The following SLC39A10 variants were observed in gnomAD, a reference collection of about 807,000 sequenced individuals.
The protein encoded by SLC39A10 is solute carrier family 39 member 10, also known as zinc transporter ZIP10.
In SLC39A10, 13 loss-of-function variants were observed where a neutral mutation model predicts 65.1. The ratio of observed to expected loss-of-function variants is 0.20; its 90% CI spans 0.13 to 0.32. The LOEUF (loss-of-function observed/expected upper bound fraction) is 0.32. SLC39A10 is among the 10% of genes least tolerant of loss of function. SLC39A10 has a pLI of 1.00. For synonymous variants in SLC39A10, 321 were observed against 342.2 expected, an observed-to-expected ratio of 0.94 and a Z score of 0.68; for missense variants, 831 against 1,018.4, an observed-to-expected ratio of 0.82 and a Z score of 2.50.
rs1157596623 is a variant in SLC39A10 at position 195,731,816 on chromosome 2, G to A, written c.2338-3067G>A. 5.3e-5 allele frequency among the ~76,000 whole-genome samples: 8 copies of A among 152,278 alleles called. No homozygotes were observed. The East Asian group carries it at 1.4e-3, about 26-fold the overall frequency. On this transcript the variant is annotated intron_variant, in intron 9 of 9. Coordinates refer to ENST00000359634, the MANE Select transcript of SLC39A10 (RefSeq NM_020342.3). Reference sequence around the variant, plus strand: ...TTTATTAGAAGCAAGGGGAAGGGTCGTATGAGGAAGCTGAATGATTTATAA... The same window carrying A: ...TTTATTAGAAGCAAGGGGAAGGGTCATATGAGGAAGCTGAATGATTTATAA...
chr2:195,725,824 T>C (rs1692214672), intron 8 of SLC39A10, among the ~76,000 whole-genome samples: 1 of 152,176 alleles, frequency 6.6e-6, no homozygotes, highest in South Asian at 2.1e-4. Context: ...CTTACATGCA[T>C]TATTCTAAGT....
Position 195,728,811 on chromosome 2 carries a change from T to C in SLC39A10, c.2337+462T>C, listed in dbSNP as rs939547870. On this transcript the variant is annotated intron_variant, in intron 9 of 9. Coordinates refer to ENST00000359634, the MANE Select transcript of SLC39A10 (RefSeq NM_020342.3). The surrounding 1 kb of genome is among the most constrained non-coding windows in gnomAD (Gnocchi z 4.4). ...TTAGCTTAAAGTTAAATGTAAATGC[T>C]AACAATTTGTTTTATTTTGATTTTA... Among the ~76,000 whole-genome samples, 106 of 152,334 alleles carry C rather than the reference T, an allele frequency of 7.0e-4. No homozygotes were observed. The highest frequency in any genetic ancestry group is 2.4e-3 in the African/African-American group (99 of 41,578).
At chr2:195,619,679 C>T (rs1472122006) in intron 2 of SLC39A10, among the ~76,000 whole-genome samples, 1 of 151,756 alleles carries the variant, frequency 6.6e-6, no homozygotes, top group Non-Finnish European at 1.5e-5. Context: ...ATAACTACTT[C>T]AGCAATGGTG....
chr2:195,664,351 A>G (rs1398698583), intron 1 of SLC39A10, among the ~76,000 whole-genome samples: 1 of 151,614 alleles, frequency 6.6e-6, no homozygotes, highest in Non-Finnish European at 1.5e-5. Flanking sequence ...GTTATTTTTA[A>G]TTATAGCTTT....
intron 8 of SLC39A10, among the ~76,000 whole-genome samples, chr2:195,722,575 AT>A (rs1692085716): frequency 6.6e-6 from 1 of 152,196 alleles, no homozygotes; most frequent in African/African-American, 2.4e-5. Context: ...GAGGAACAGG[AT>A]GTGGAGAAAG....
intron 1 of SLC39A10, 88 bp from the exon 2 acceptor site, chr2:195,679,944 A>T: frequency 1.8e-6 from 2 of 1,125,260 alleles, no homozygotes; most frequent in African/African-American, 1.6e-5. Flanking sequence ...AACTTTTTTT[A>T]GTGGATTGGC....
intron 3 of SLC39A10, among the ~76,000 whole-genome samples, chr2:195,687,443 C>T (rs1468923416): frequency 6.6e-6 from 1 of 151,998 alleles, no homozygotes; most frequent in African/African-American, 2.4e-5. Context: ...TGTAATGAAG[C>T]TGTTGACAGA....
intron 3 of SLC39A10, among the ~76,000 whole-genome samples, chr2:195,706,088 A>G (rs1691387280): frequency 6.6e-6 from 1 of 152,134 alleles, no homozygotes; most frequent in Non-Finnish European, 1.5e-5. Context: ...TGTAACAATA[A>G]AGCTACCAGT....
intron 3 of SLC39A10, among the ~76,000 whole-genome samples, chr2:195,698,431 TTGAG>T (rs1691056225): frequency 6.6e-6 from 1 of 152,128 alleles, no homozygotes; most frequent in Admixed American, 6.5e-5. Context: ...TCTTTCACCA[TTGAG>T]TATGATGTTT....
chr2:195,728,492 T>A lies in SLC39A10; in HGVS notation c.2337+143T>A. 2.6e-6 allele frequency: 2 copies of A among 757,076 alleles called. No homozygotes were observed. Among genetic ancestry groups the A allele is most frequent in the Non-Finnish European group, 4.0e-6 (2 of 497,418 alleles). The allele number at this position is 757,076 out of a possible 1,614,324, so 46.9% of individuals were successfully genotyped here. Reference sequence around the variant, plus strand: ...AAATAATCTCTTAAGGAAGGACATTTAAGTAGGAGGTTTCCTTTTATGGAA... The same window carrying A: ...AAATAATCTCTTAAGGAAGGACATTAAAGTAGGAGGTTTCCTTTTATGGAA... On this transcript the variant is annotated intron_variant, in intron 9 of 9. Transcript: ENST00000359634. The surrounding 1 kb of genome is among the most constrained non-coding windows in gnomAD (Gnocchi z 4.4).
intron 2 of SLC39A10, among the ~76,000 whole-genome samples, chr2:195,626,923 T>G (rs181786159): frequency 8.5e-5 from 13 of 152,336 alleles, no homozygotes; most frequent in Non-Finnish European, 1.2e-4. Flanking sequence ...GATAAATAGT[T>G]GTAGCCTGGA....
At chr2:195,678,437 C>G (rs1213622399) in intron 1 of SLC39A10, among the ~76,000 whole-genome samples, 1 of 151,820 alleles carries the variant, frequency 6.6e-6, no homozygotes, top group African/African-American at 2.4e-5. Flanking sequence ...TTCAAGTTAC[C>G]TACTCATTTT....
chr2:195,708,699 A>T lies in SLC39A10; in HGVS notation c.1430A>T (p.His477Leu). The T allele has an allele frequency of 6.2e-7, 1 of 1,612,664 alleles. No individual in the cohort carries two copies. The highest frequency in any genetic ancestry group is 1.1e-5 in the South Asian group (1 of 90,630). The stretch of plus-strand genomic sequence containing the variant: ...CACAGTCACCAACATGCACATGGGC[A>T]TGGACATTCTCATGGACATGAATCT... The part of the protein sequence containing the change: ...HDHSHQHAHG[H>L]GHSHGHESNK... Residue 477 changes from histidine to leucine, a missense_variant, in exon 5 of 10, where the codon CAT (histidine) becomes CTT (leucine). Transcript: ENST00000359634.
chr2:195,665,068 A>G (rs983504021), intron 1 of SLC39A10, among the ~76,000 whole-genome samples: 2 of 152,172 alleles, frequency 1.3e-5, no homozygotes, highest in Admixed American at 1.3e-4. Flanking sequence ...TCACGCCTGT[A>G]ATCCCAGCGC....
At chr2:195,699,893 G>A (rs532630090) in intron 3 of SLC39A10, among the ~76,000 whole-genome samples, 20 of 152,068 alleles carry the variant, frequency 1.3e-4, no homozygotes, top group South Asian at 6.2e-4. Context: ...ATTATCTCCC[G>A]TCAATTGTGA....
chr2:195,650,012 G>T (rs1368674551), intron 2 of SLC39A10, among the ~76,000 whole-genome samples: 1 of 152,110 alleles, frequency 6.6e-6, no homozygotes, highest in African/African-American at 2.4e-5. Context: ...TCTCACGGAG[G>T]TATAAATAGG....
At chr2:195,681,128 A>G (rs1272059944) in intron 2 of SLC39A10, 78 bp downstream of exon 2, 1 of 1,352,174 alleles carries the variant, frequency 7.4e-7, no homozygotes, top group Non-Finnish European at 1.0e-6. Flanking sequence ...AGGATAAGTA[A>G]CAGTGGAGTA....
chr2:195,709,249 TG>T (rs1691519835), intron 5 of SLC39A10, among the ~76,000 whole-genome samples: 1 of 150,116 alleles, frequency 6.7e-6, no homozygotes, highest in African/African-American at 2.5e-5. Context: ...GTATGTATTT[TG>T]AGACAGATTC....
chr2:195,724,638 G>C (rs1692171549), intron 8 of SLC39A10, among the ~76,000 whole-genome samples: 1 of 152,016 alleles, frequency 6.6e-6, no homozygotes, highest in Non-Finnish European at 1.5e-5. Flanking sequence ...AATATGCATA[G>C]ACCTACAAAT....
Sources: allele counts gnomAD v4.1 joint callset (sites outside exome capture counted in the v4.1 genomes callset), GRCh38; gene constraint gnomAD v4.1.1; non-coding constraint Gnocchi (gnomAD v3.1); transcripts MANE v1.5; gene names NCBI Gene and HGNC (gene_info 2026-07-23, HGNC 2026-07-21).